H6PD: variants seen among roughly 807,000 people sequenced by gnomAD.
The protein encoded by H6PD is GDH/6PGL endoplasmic bifunctional protein.
H6PD carries 48 observed loss-of-function variants against 61.2 expected under a neutral mutation model. That is an observed-to-expected ratio of 0.78 (90% CI 0.62 to 1.00). The LOEUF (loss-of-function observed/expected upper bound fraction) is 1.00, where lower values mean the gene tolerates loss of function less well. Among genes scored for constraint, H6PD ranks in the 50% least tolerant of loss-of-function variants. The pLI, the probability that H6PD is intolerant of heterozygous loss-of-function variation, is 0.00. For synonymous variants in H6PD, 480 were observed against 457.9 expected (o/e 1.05, Z -0.62); for missense variants, 1,093 against 1,065.0 (o/e 1.03, Z -0.37).
At chr1:9,244,620 C>G (rs1188387075) in intron 1 of H6PD, among the ~76,000 whole-genome samples, 1 of 152,208 alleles carries the variant, frequency 6.6e-6, no homozygotes, top group African/African-American at 2.4e-5. Context: ...CCCAGGCCTG[C>G]GGCCCTCCCT....
At chr1:9,250,636 C>T (rs954277119) in intron 3 of H6PD, among the ~76,000 whole-genome samples, 2 of 152,158 alleles carry the variant, frequency 1.3e-5, no homozygotes, top group Non-Finnish European at 2.9e-5. Context: ...AGTGGTGCAA[C>T]CCTAGCTGAC....
At position 9,267,826 on chromosome 1, in the gene H6PD, C is replaced by T. The variant is rs1329195888; in HGVS notation, c.*2957C>T. 6.6e-6 allele frequency: 1 copy of T among 152,216 alleles called. No individual in the cohort carries two copies. Among genetic ancestry groups the T allele is most frequent in the African/African-American group, 2.4e-5 (1 of 41,438 alleles). The allele number at this position is 152,216 out of a possible 1,614,324, so 9.4% of individuals were successfully genotyped here. Reference sequence around the variant, plus strand: ...TGATCTGCAGCAAGAAACGTGCCTTCCATCATAAATCAGTCCATTTGTTTA... The same window carrying T: ...TGATCTGCAGCAAGAAACGTGCCTTTCATCATAAATCAGTCCATTTGTTTA... On this transcript the variant is annotated 3_prime_UTR_variant, in exon 5 of 5. Transcript: ENST00000377403.
Position 9,262,246 on chromosome 1 carries a change from C to T in H6PD, c.933C>T (p.Gly311=), listed in dbSNP as rs541127788. The change falls in exon 4 of 5, where the codon GGC becomes GGT. Residue 311 remains glycine, a synonymous_variant. Coordinates refer to ENST00000377403, the MANE Select transcript of H6PD (RefSeq NM_004285.4). ...TGCAGAGGGGCAGTGCCGTCGTGGG[C>T]CAGTACCAGTCTTACAGTGAGCAGG... is the stretch of plus-strand genomic sequence containing the variant. ...RGLQRGSAVV[G]QYQSYSEQVR... The T allele has an allele frequency of 1.2e-6, 2 of 1,612,886 alleles. No individual in the cohort carries two copies. Among genetic ancestry groups the T allele is most frequent in the South Asian group, 1.1e-5 (1 of 90,860 alleles).
chr1:9,247,134 G>C, intron 3 of H6PD, 51 bp downstream of exon 3: 1 of 1,240,960 alleles, frequency 8.1e-7, no homozygotes, highest in Non-Finnish European at 1.2e-6. Flanking sequence ...CCTGCCCGCT[G>C]TCTGCGGTGA....
Position 9,269,053 on chromosome 1 carries a change from A to AGG in H6PD, c.*4184_*4185insGG, listed in dbSNP as rs78711751. 6.6e-6 allele frequency: 1 copy of AGG among 152,074 alleles called. No homozygotes were observed. The highest frequency in any genetic ancestry group is 1.5e-5 in the Non-Finnish European group (1 of 68,002). The allele number at this position is 152,074 out of a possible 1,614,324, so 9.4% of individuals were successfully genotyped here. The stretch of plus-strand genomic sequence containing the variant: ...GAACTTACTCCACTGATTTAAAAAA[A>AGG]AAAAACTGCCTGGCAGCATCTCAGT... On this transcript the variant is annotated 3_prime_UTR_variant, in exon 5 of 5. Transcript: ENST00000377403. This position sits in a 1 kb window ranked among gnomAD's most constrained non-coding sequence, Gnocchi z 4.3.
Position 9,241,704 on chromosome 1 carries a change from T to G in H6PD, c.-10-3221T>G, listed in dbSNP as rs149494834. Among the ~76,000 whole-genome samples, 5 of 152,344 alleles carry G rather than the reference T, an allele frequency of 3.3e-5. No individual in the cohort carries two copies. The East Asian group carries it at 9.6e-4, about 29-fold the overall frequency. On this transcript the variant is annotated intron_variant, in intron 1 of 4. Coordinates refer to ENST00000377403, the MANE Select transcript of H6PD (RefSeq NM_004285.4). ...CATGAGCCACTGTGCCTGGCCTAAT[T>G]AGCTGACTTAATTAGATCACGAAGT...
rs758260308 is a variant in H6PD at position 9,263,610 on chromosome 1, T to C, written c.1117T>C (p.Phe373Leu). ...GAGAGTGGGCTACGCTCGGATCTTG[T>C]TCAAGAACCAGGCCTGCTGTGTGCA... is the stretch of plus-strand genomic sequence containing the variant. ...DERVGYARIL[F>L]KNQACCVQSE... Residue 373 changes from phenylalanine (F) to leucine (L), a missense_variant, in exon 5 of 5, where the codon TTC (phenylalanine) becomes CTC (leucine). Coordinates refer to ENST00000377403, the MANE Select transcript of H6PD (RefSeq NM_004285.4). The C allele has an allele frequency of 4.3e-6, 7 of 1,614,074 alleles. No individual in the cohort carries two copies. The highest frequency in any genetic ancestry group is 5.9e-6 in the Non-Finnish European group (7 of 1,180,004).
At chr1:9,261,870 CT>C (rs1462737480) in intron 3 of H6PD, among the ~76,000 whole-genome samples, 188 bp from the exon 4 acceptor site, 2 of 152,196 alleles carry the variant, frequency 1.3e-5, no homozygotes, top group Non-Finnish European at 2.9e-5. Context: ...ACAGAGGTGG[CT>C]TCAAGACTTC....
At chr1:9,260,884 C>G (rs902096040) in intron 3 of H6PD, among the ~76,000 whole-genome samples, 1 of 152,124 alleles carries the variant, frequency 6.6e-6, no homozygotes, top group African/African-American at 2.4e-5. Flanking sequence ...CCAAACCCCT[C>G]TGCTTCCGCC....
chr1:9,238,253 C>T (rs957815700), intron 1 of H6PD, among the ~76,000 whole-genome samples: 1 of 152,190 alleles, frequency 6.6e-6, no homozygotes, highest in Admixed American at 6.5e-5. Flanking sequence ...AGAGCCTAGA[C>T]AGGCAGGATG....
chr1:9,235,764 C>T (rs1386172412), intron 1 of H6PD, among the ~76,000 whole-genome samples: 1 of 152,126 alleles, frequency 6.6e-6, no homozygotes, highest in African/African-American at 2.4e-5. Flanking sequence ...GCGCACACCA[C>T]CACGCCTGGC....
rs1295613311 is a variant in H6PD at position 9,267,203 on chromosome 1, G to C, written c.*2334G>C. On this transcript the variant is annotated 3_prime_UTR_variant, in exon 5 of 5. Coordinates refer to ENST00000377403, the MANE Select transcript of H6PD (RefSeq NM_004285.4). The stretch of plus-strand genomic sequence containing the variant: ...AGAGCCAGGAAGCCGCCCTCCTGGC[G>C]CCCAGCATCTGAGCTTCTACACGTG... 2 of 152,176 alleles carry C rather than the reference G, an allele frequency of 1.3e-5. No individual in the cohort carries two copies. The highest frequency in any genetic ancestry group is 2.9e-5 in the Non-Finnish European group (2 of 68,074). 9.4% of individuals were successfully genotyped at this position (152,176 alleles called of 1,614,324 possible). A position where few individuals can be genotyped will look rare whatever the true frequency, so the allele number is the denominator to read the frequency against.
rs576041272 is a variant in H6PD at position 9,264,653 on chromosome 1, G to A, written c.2160G>A (p.Thr720=). 4.1e-5 allele frequency: 66 copies of A among 1,612,922 alleles called. No individual in the cohort carries two copies. Among genetic ancestry groups the A allele is most frequent in the African/African-American group, 1.9e-4 (14 of 75,042 alleles). Residue 720 remains threonine (T), a synonymous_variant, in exon 5 of 5, where the codon ACG becomes ACA. Transcript: ENST00000377403. ...LDGEQLVVLT[T]SPSQPHRRMS... ...GCGAGCAGCTGGTCGTGCTGACCAC[G>A]AGCCCCTCCCAGCCACACCGCCGCA... is the stretch of plus-strand genomic sequence containing the variant.
At chr1:9,248,945 C>T (rs776386192) in intron 3 of H6PD, among the ~76,000 whole-genome samples, 6 of 152,226 alleles carry the variant, frequency 3.9e-5, no homozygotes, top group Non-Finnish European at 7.3e-5. Context: ...CCAGCAGGCA[C>T]GTGTGCTGGG....
In H6PD at chr1:9,262,077, A is replaced by G. The variant is rs2100389680; in HGVS notation, c.764A>G (p.Glu255Gly). ...CCACCAGGCCGCACCAGCTTCTATG[A>G]GGAGTACGGTGTCATTCGCGACGTC... ...VDAEGRTSFY[E>G]EYGVIRDVLQ... Residue 255 changes from glutamate (E) to glycine (G), a missense_variant, in exon 4 of 5, where the codon GAG (glutamate) becomes GGG (glycine). Transcript: ENST00000377403. 1.9e-6 allele frequency: 3 copies of G among 1,614,164 alleles called. No individual in the cohort carries two copies. The highest frequency in any genetic ancestry group is 1.7e-6 in the Non-Finnish European group (2 of 1,180,010).
At chr1:9,250,780 T>G (rs1641336802) in intron 3 of H6PD, among the ~76,000 whole-genome samples, 1 of 152,218 alleles carries the variant, frequency 6.6e-6, no homozygotes. Flanking sequence ...AAGGGACTTC[T>G]GAGCTGCAAG....
intron 1 of H6PD, among the ~76,000 whole-genome samples, chr1:9,240,614 G>A (rs541469902): frequency 5.3e-5 from 8 of 152,286 alleles, no homozygotes; most frequent in African/African-American, 1.7e-4. Flanking sequence ...GGTTCCCAGT[G>A]TAATGCCCCC....
chr1:9,249,137 C>G (rs1008328704), intron 3 of H6PD, among the ~76,000 whole-genome samples: 2 of 152,202 alleles, frequency 1.3e-5, no homozygotes, highest in Non-Finnish European at 2.9e-5. Context: ...CAACTCCTTC[C>G]TATCTCCGCC....
In H6PD at chr1:9,246,957, C is replaced by T. The variant is rs371552057; in HGVS notation, c.628-9C>T. Reference sequence around the variant, plus strand: ...TCCTGCAGCACGCCCAGTCTTCCCCCCCCGACAGGCTGTGGCGCAGATCCT... The same window carrying T: ...TCCTGCAGCACGCCCAGTCTTCCCCTCCCGACAGGCTGTGGCGCAGATCCT... On this transcript the variant is annotated splice_polypyrimidine_tract_variant and intron_variant, in intron 2 of 4. Coordinates refer to ENST00000377403, the MANE Select transcript of H6PD (RefSeq NM_004285.4). 5 of 1,594,992 alleles carry T rather than the reference C, an allele frequency of 3.1e-6. No homozygotes were observed. The East Asian group carries it at 6.7e-5, about 21-fold the overall frequency.
Sources: allele counts gnomAD v4.1 joint callset (sites outside exome capture counted in the v4.1 genomes callset), GRCh38; gene constraint gnomAD v4.1.1; non-coding constraint Gnocchi (gnomAD v3.1); transcripts MANE v1.5; gene names NCBI Gene and HGNC (gene_info 2026-07-23, HGNC 2026-07-21).